Variants in ZNF551 observed in about 807,000 individuals in gnomAD.
ZNF551 encodes zinc finger protein 551.
In ZNF551, 5 loss-of-function variants were observed where a neutral mutation model predicts 7.9. The ratio of observed to expected loss-of-function variants is 0.63; its 90% CI spans 0.33 to 1.33. The LOEUF is 1.33. Ranked by LOEUF, ZNF551 falls within the 40% of genes most tolerant of loss-of-function variation. The probability of loss-of-function intolerance (pLI) is 0.05; values close to 1 mark genes in which losing one functional copy is unlikely to be tolerated. For synonymous variants in ZNF551, 287 were observed against 277.3 expected (o/e 1.03, Z -0.35); for missense variants, 788 against 825.2 (o/e 0.95, Z 0.55).
rs1984408599 is a variant in ZNF551 at position 57,682,256 on chromosome 19, G to A, written c.81+12G>A. 4 of 1,549,210 alleles carry A rather than the reference G, an allele frequency of 2.6e-6. No individual in the cohort carries two copies. In the South Asian group the frequency reaches 3.6e-5, roughly 14 times the overall value. On this transcript the variant is annotated intron_variant, in intron 1 of 2. Coordinates refer to ENST00000282296, the MANE Select transcript of ZNF551 (RefSeq NM_138347.5). The stretch of plus-strand genomic sequence containing the variant: ...GGGACTCGGCTCAGGTGAGTTGTGC[G>A]TCCTCCGGGTCTCGCCTACCTCCCC...
In ZNF551 at chr19:57,682,080, G is replaced by A. The variant is rs1984398103; in HGVS notation, c.-84G>A. ...GGTCGCGACTGAGGGACGGGACAGA[G>A]AAGTCGCGAAAGTGGGCCAGAGGTT... On this transcript the variant is annotated 5_prime_UTR_variant, in exon 1 of 3. Transcript: ENST00000282296. 2.1e-6 allele frequency: 3 copies of A among 1,423,524 alleles called. No individual in the cohort carries two copies. The highest frequency in any genetic ancestry group is 1.4e-5 in the African/African-American group (1 of 70,812). The allele number at this position is 1,423,524 out of a possible 1,614,324, so 88.2% of individuals were successfully genotyped here.
At position 57,688,418 on chromosome 19, in the gene ZNF551, A is replaced by T; in HGVS notation, c.*130A>T. 7.8e-7 allele frequency: 1 copy of T among 1,289,856 alleles called. No individual in the cohort carries two copies. The allele number at this position is 1,289,856 out of a possible 1,614,324, so 79.9% of individuals were successfully genotyped here. A position where few individuals can be genotyped will look rare whatever the true frequency, so the allele number is the denominator to read the frequency against. On this transcript the variant is annotated 3_prime_UTR_variant, in exon 3 of 3. Transcript: ENST00000282296. ...TCTTCATAAGTTTCAGGTATGTGGG[A>T]AGCTCTGAGGAGGTTCATTGTAATT...
At position 57,689,799 on chromosome 19, in the gene ZNF551, CAAA is replaced by C. The variant is rs547644438; in HGVS notation, c.*1521_*1523del. The C allele has an allele frequency of 3.7e-5, 5 of 135,984 alleles. No individual in the cohort carries two copies. The highest frequency in any genetic ancestry group is 4.2e-4 in the East Asian group (2 of 4,790). 8.4% of individuals were successfully genotyped at this position (135,984 alleles called of 1,614,324 possible). A position where few individuals can be genotyped will look rare whatever the true frequency, so the allele number is the denominator to read the frequency against. On this transcript the variant is annotated 3_prime_UTR_variant, in exon 3 of 3. Coordinates refer to ENST00000282296, the MANE Select transcript of ZNF551 (RefSeq NM_138347.5). Reference sequence around the variant, plus strand: ...AGGCAACAGAGTGAGACTCCGTCTCCAAAAAAAAAAAAGAAAATAGTCTATAAA... The same window carrying C: ...AGGCAACAGAGTGAGACTCCGTCTCCAAAAAAAAAGAAAATAGTCTATAAA...
chr19:57,689,960 C>T lies in ZNF551; in HGVS notation c.*1672C>T, dbSNP rs1458368487. 2 of 152,076 alleles carry T rather than the reference C, an allele frequency of 1.3e-5. No individual in the cohort carries two copies. Among genetic ancestry groups the T allele is most frequent in the African/African-American group, 4.8e-5 (2 of 41,396 alleles). 9.4% of individuals were successfully genotyped at this position (152,076 alleles called of 1,614,324 possible). A position where few individuals can be genotyped will look rare whatever the true frequency, so the allele number is the denominator to read the frequency against. On this transcript the variant is annotated 3_prime_UTR_variant, in exon 3 of 3. Transcript: ENST00000282296. ...TGGCTTTTGTGACTCAGCCAACATT[C>T]CTATTAATTCAGGTGGCAACAGCCT...
Position 57,687,187 on chromosome 19 carries a change from A to G in ZNF551, c.912A>G (p.Glu304=). ...LILHKIIHTG[E]RPYECSDREK... ...TACACAAGATAATTCACACTGGAGA[A>G]AGGCCTTATGAATGCAGTGATCGTG... Residue 304 remains glutamate, a synonymous_variant, in exon 3 of 3, where the codon GAA becomes GAG. Coordinates refer to ENST00000282296, the MANE Select transcript of ZNF551 (RefSeq NM_138347.5). 2.5e-6 allele frequency: 4 copies of G among 1,614,260 alleles called. No individual in the cohort carries two copies. The highest frequency in any genetic ancestry group is 3.4e-6 in the Non-Finnish European group (4 of 1,180,048).
Position 57,688,306 on chromosome 19 carries a change from T to G in ZNF551, c.*18T>G. 6.2e-7 allele frequency: 1 copy of G among 1,609,232 alleles called. No homozygotes were observed. The highest frequency in any genetic ancestry group is 1.1e-5 in the South Asian group (1 of 90,566). ...GGCCTTAAATGTGAAGGGAATGTGC[T>G]ATTTCTTTATTCAGTATAATAGCAC... is the stretch of plus-strand genomic sequence containing the variant. On this transcript the variant is annotated 3_prime_UTR_variant, in exon 3 of 3. Transcript: ENST00000282296.
chr19:57,682,175 G>GCCTA lies in ZNF551; in HGVS notation c.12_13insCCTA (p.Val5ProfsTer9), dbSNP rs1482100439. On this transcript the variant is annotated frameshift_variant, in exon 1 of 3. Coordinates refer to ENST00000282296, the MANE Select transcript of ZNF551 (RefSeq NM_138347.5). LOFTEE classifies it high-confidence loss of function. ...ACTGTTGTGTTCGAATGCCCGCCCC[G>GCCTA]GTCGGCCGCCGCTCCCCGCCTAGTC... The GCCTA allele has an allele frequency of 6.5e-7, 1 of 1,548,852 alleles. No homozygotes were observed. Among genetic ancestry groups the GCCTA allele is most frequent in the East Asian group, 2.4e-5 (1 of 40,920 alleles).
rs747647231 is a variant in ZNF551 at position 57,688,144 on chromosome 19, C to T, written c.1869C>T (p.Pro623=). The change falls in exon 3 of 3, where the codon CCC becomes CCT. Residue 623 remains proline (P), a synonymous_variant. Transcript: ENST00000282296. ...RPYECSQCGK[P]FTHKSDLIQH... is the part of the protein sequence containing the mutation. ...ATGAGTGCAGTCAATGTGGGAAACC[C>T]TTTACCCACAAATCAGACCTTATTC... 8 of 1,613,658 alleles carry T rather than the reference C, an allele frequency of 5.0e-6. No homozygotes were observed. Among genetic ancestry groups the T allele is most frequent in the South Asian group, 1.1e-5 (1 of 91,046 alleles).
chr19:57,686,295 G>C (rs377382106), intron 2 of ZNF551, among the ~76,000 whole-genome samples, 186 bp from the exon 3 acceptor site: 8 of 152,276 alleles, frequency 5.3e-5, no homozygotes, highest in Admixed American at 3.3e-4. Context: ...TATCCTTTGC[G>C]TGATGAGATG....
At position 57,685,224 on chromosome 19, in the gene ZNF551, G is replaced by T. The variant is rs186679340; in HGVS notation, c.82-38G>T. 16 of 1,609,322 alleles carry T rather than the reference G, an allele frequency of 9.9e-6. No homozygotes were observed. The East Asian group carries it at 1.3e-4, about 13-fold the overall frequency. On this transcript the variant is annotated intron_variant, in intron 1 of 2. Coordinates refer to ENST00000282296, the MANE Select transcript of ZNF551 (RefSeq NM_138347.5). ...TGGGGGCAAGAGGATAATGAACTCCGGGTCTGATCGTGGATTGAACTATTC... is the reference window on the plus strand; with the variant it reads ...TGGGGGCAAGAGGATAATGAACTCCTGGTCTGATCGTGGATTGAACTATTC...
chr19:57,685,161 C>A, intron 1 of ZNF551, 101 bp from the exon 2 acceptor site: 32 of 1,526,842 alleles, frequency 2.1e-5, no homozygotes, highest in Non-Finnish European at 2.8e-5. Flanking sequence ...TGGTTATCTC[C>A]GCTGAGGTGG....
At chr19:57,684,327 T>C (rs1984483929) in intron 1 of ZNF551, among the ~76,000 whole-genome samples, 1 of 152,132 alleles carries the variant, frequency 6.6e-6, no homozygotes, top group Non-Finnish European at 1.5e-5. Context: ...AAGTAAGCTG[T>C]GGCTGTGGGA....
At position 57,690,374 on chromosome 19, in the gene ZNF551, C is replaced by CAT. The variant is rs1178113701; in HGVS notation, c.*2087_*2088insTA. 4 of 23,598 alleles carry CAT rather than the reference C, an allele frequency of 1.7e-4. No homozygotes were observed. In the African/African-American group the frequency reaches 2.5e-3, roughly 14 times the overall value. The allele number at this position is 23,598 out of a possible 1,614,324, so 1.5% of individuals were successfully genotyped here. A position where few individuals can be genotyped will look rare whatever the true frequency, so the allele number is the denominator to read the frequency against. ...TCTGGAGTTTTTACTGAGATACATA[C>CAT]ACACACACACACACACACACACACA... On this transcript the variant is annotated 3_prime_UTR_variant, in exon 3 of 3. Coordinates refer to ENST00000282296, the MANE Select transcript of ZNF551 (RefSeq NM_138347.5).
In ZNF551 at chr19:57,682,120, C is replaced by G. The variant is rs531782402; in HGVS notation, c.-44C>G. ...GGCCAGAGGTTCTGCGACACCACCT[C>G]GGGTGAGCTGCGCCAGGCCCGGGAT... On this transcript the variant is annotated 5_prime_UTR_variant, in exon 1 of 3. Coordinates refer to ENST00000282296, the MANE Select transcript of ZNF551 (RefSeq NM_138347.5). The G allele has an allele frequency of 2.0e-6, 3 of 1,530,208 alleles. No homozygotes were observed. 94.8% of individuals were successfully genotyped at this position (1,530,208 alleles called of 1,614,324 possible).
intron 1 of ZNF551, among the ~76,000 whole-genome samples, chr19:57,684,586 A>G (rs1251372934): frequency 2.6e-5 from 4 of 152,110 alleles, no homozygotes; most frequent in East Asian, 1.9e-4. Context: ...ACAATGACCA[A>G]TGGGACCATA....
chr19:57,688,169 C>G lies in ZNF551; in HGVS notation c.1894C>G (p.Gln632Glu), dbSNP rs1391253547. 6.2e-7 allele frequency: 1 copy of G among 1,614,018 alleles called. No homozygotes were observed. The highest frequency in any genetic ancestry group is 1.3e-5 in the African/African-American group (1 of 74,888). The stretch of plus-strand genomic sequence containing the variant: ...CTTTACCCACAAATCAGACCTTATT[C>G]AGCACCAAAGAGTTCACACTGGAGA... ...KPFTHKSDLIQHQRVHTGERP... is the reference protein window; with the variant it reads ...KPFTHKSDLIEHQRVHTGERP... Residue 632 changes from glutamine to glutamate, a missense_variant, in exon 3 of 3, where the codon CAG (glutamine) becomes GAG (glutamate). Transcript: ENST00000282296.
chr19:57,686,596 G>A lies in ZNF551; in HGVS notation c.321G>A (p.Lys107=). The change falls in exon 3 of 3, where the codon AAG becomes AAA. Residue 107 remains lysine, a synonymous_variant. Coordinates refer to ENST00000282296, the MANE Select transcript of ZNF551 (RefSeq NM_138347.5). ...AGAAAACTCACCTCAGTGAGATTAA[G>A]ATGTGTGTCCCAGTCTTGAAAGACA... ...PTQKTHLSEI[K]MCVPVLKDIL... The A allele has an allele frequency of 1.2e-6, 2 of 1,614,232 alleles. No individual in the cohort carries two copies. The highest frequency in any genetic ancestry group is 1.7e-6 in the Non-Finnish European group (2 of 1,180,046).
At chr19:57,683,985 G>A (rs1006796589) in intron 1 of ZNF551, among the ~76,000 whole-genome samples, 5 of 152,130 alleles carry the variant, frequency 3.3e-5, no homozygotes, top group Non-Finnish European at 7.4e-5. Context: ...CGATGGGCCC[G>A]GGGTAGAGAG....
intron 1 of ZNF551, among the ~76,000 whole-genome samples, chr19:57,682,622 C>G (rs921529103): frequency 1.3e-5 from 2 of 152,202 alleles, no homozygotes; most frequent in African/African-American, 4.8e-5. Context: ...CCAAAAGTTG[C>G]TCAGGGGAAG....
Sources: gnomAD v4.1 joint callset for allele counts (sites outside exome capture counted in the v4.1 genomes callset) on GRCh38, gnomAD v4.1.1 for gene constraint, MANE v1.5 for transcripts, NCBI Gene and HGNC (gene_info 2026-07-23, HGNC 2026-07-21) for gene names.